EPHA5: variants seen among roughly 807,000 people sequenced by gnomAD.
EPHA5 encodes the protein EPH receptor A5.
In EPHA5, 60 loss-of-function variants were observed where a neutral mutation model predicts 105.0. That is an observed-to-expected ratio of 0.57 (90% CI 0.46 to 0.71). The LOEUF is 0.71. EPHA5 is among the 30% of genes least tolerant of loss of function. The pLI is 0.00. For missense variants in EPHA5, 1,218 were observed against 1,274.7 expected (o/e 0.96, Z 0.68); for synonymous variants, 513 against 449.1 (o/e 1.14, Z -1.80).
chr4:65,643,557 C>T (rs950374710), intron 1 of EPHA5, 130 bp from the exon 2 acceptor site: 46 of 620,260 alleles, frequency 7.4e-5, no homozygotes, highest in Non-Finnish European at 1.1e-4. Flanking sequence ...ATGATGAATA[C>T]AATGGGTATA....
At chr4:65,549,723 C>T (rs558701606) in intron 3 of EPHA5, among the ~76,000 whole-genome samples, 1 of 152,222 alleles carries the variant, frequency 6.6e-6, no homozygotes, top group South Asian at 2.1e-4. Context: ...AAGAGACTCA[C>T]AGAAGCTTAA....
Position 65,601,760 on chromosome 4 carries a change from T to A in EPHA5, c.791A>T (p.Asn264Ile), listed in dbSNP as rs1226488146. 3 of 1,614,010 alleles carry A rather than the reference T, an allele frequency of 1.9e-6. No homozygotes were observed. The African/African-American group carries it at 4.0e-5, about 22-fold the overall frequency. ...QLLEVSGSCV[N>I]HSVTDEPPKM... ...GGGAGGTTCATCGGTCACAGAATGG[T>A]TGACACAGGAGCCTGACACTTCGAG... Residue 264 changes from asparagine to isoleucine, a missense_variant, in exon 3 of 17, where the codon AAC (asparagine) becomes ATC (isoleucine). This residue lies in a region of EPHA5 where 971 missense variants were observed against 1,013.5 expected (regional missense o/e 0.96). Transcript: ENST00000613740.
intron 2 of EPHA5, among the ~76,000 whole-genome samples, chr4:65,624,518 A>C (rs1745968747): frequency 6.6e-6 from 1 of 152,174 alleles, no homozygotes; most frequent in African/African-American, 2.4e-5. Flanking sequence ...CTATTGTTAT[A>C]ACTCTCAAAA....
At chr4:65,577,556 C>T (rs1394507224) in intron 3 of EPHA5, among the ~76,000 whole-genome samples, 2 of 152,026 alleles carry the variant, frequency 1.3e-5, no homozygotes, top group African/African-American at 4.8e-5. Context: ...AGTCAGTTCA[C>T]TTACATAATT....
At chr4:65,613,435 AT>A (rs1352812409) in intron 2 of EPHA5, among the ~76,000 whole-genome samples, 2 of 151,990 alleles carry the variant, frequency 1.3e-5, no homozygotes, top group African/African-American at 4.8e-5. Context: ...TTTTATAGGA[AT>A]TGCATTGAAT....
chr4:65,535,171 T>C (rs1296309269), intron 3 of EPHA5, among the ~76,000 whole-genome samples: 2 of 152,208 alleles, frequency 1.3e-5, no homozygotes, highest in Admixed American at 6.5e-5. Context: ...ATCATTTGTC[T>C]TTATAATTCA....
intron 8 of EPHA5, among the ~76,000 whole-genome samples, chr4:65,383,624 C>T (rs928677247): frequency 3.3e-5 from 5 of 151,868 alleles, no homozygotes; most frequent in African/African-American, 1.2e-4. Context: ...ATTGAGCTCA[C>T]TCTAGAGCGC....
In EPHA5 at chr4:65,330,781, C is replaced by A; in HGVS notation, c.2945+1192G>T. 9 of 1,025,736 alleles carry A rather than the reference C, an allele frequency of 8.8e-6. No individual in the cohort carries two copies. In the South Asian group the frequency reaches 4.2e-4, roughly 47 times the overall value. The allele number at this position is 1,025,736 out of a possible 1,614,324, so 63.5% of individuals were successfully genotyped here. On this transcript the variant is annotated intron_variant, in intron 16 of 16. Transcript: ENST00000613740. ...TAGCACAAATGGGTTCCTTGAGTGT[C>A]CAAAGAAATAATGGACAAAGCATAT...
In EPHA5 at chr4:65,441,365, T is replaced by C. The variant is rs537608389; in HGVS notation, c.1403-20800A>G. Among the ~76,000 whole-genome samples the C allele has an allele frequency of 1.8e-3, 268 of 152,172 alleles. 1 individual carries two copies. Among genetic ancestry groups the C allele is most frequent in the African/African-American group, 6.0e-3 (251 of 41,552 alleles). On this transcript the variant is annotated intron_variant, in intron 5 of 16. Coordinates refer to ENST00000613740, the MANE Select transcript of EPHA5 (RefSeq NM_001281766.3). ...CTGAGGGTGTGAGAAAAACAGTATTTCCATAATTTATTTGAAAAAATGAAA... is the reference window on the plus strand; with the variant it reads ...CTGAGGGTGTGAGAAAAACAGTATTCCCATAATTTATTTGAAAAAATGAAA...
At chr4:65,585,595 T>C (rs1742042818) in intron 3 of EPHA5, among the ~76,000 whole-genome samples, 1 of 151,602 alleles carries the variant, frequency 6.6e-6, no homozygotes, top group Non-Finnish European at 1.5e-5. Context: ...TCTTTTTGTT[T>C]CCAAGAACAA....
At chr4:65,462,318 C>T (rs1029747425) in intron 5 of EPHA5, among the ~76,000 whole-genome samples, 3 of 152,120 alleles carry the variant, frequency 2.0e-5, no homozygotes, top group African/African-American at 7.2e-5. Context: ...TTATTTTATT[C>T]TCCAAGTATT....
intron 3 of EPHA5, among the ~76,000 whole-genome samples, chr4:65,564,683 C>T (rs773303533): frequency 9.9e-5 from 15 of 151,536 alleles, no homozygotes; most frequent in Non-Finnish European, 2.1e-4. Context: ...TTATACATTT[C>T]GTGAACTTCC....
At chr4:65,563,139 A>G (rs1560701307) in intron 3 of EPHA5, among the ~76,000 whole-genome samples, 1 of 151,708 alleles carries the variant, frequency 6.6e-6, no homozygotes, top group Admixed American at 6.6e-5. Flanking sequence ...CACTGTTCCT[A>G]TTGTTTTAGC....
intron 2 of EPHA5, among the ~76,000 whole-genome samples, chr4:65,609,890 A>G (rs1269401286): frequency 3.9e-5 from 6 of 152,150 alleles, no homozygotes; most frequent in African/African-American, 1.4e-4. Context: ...AAGCATATAT[A>G]TAGACTGATT....
intron 3 of EPHA5, among the ~76,000 whole-genome samples, chr4:65,533,256 T>G (rs146868168): frequency 6.6e-6 from 1 of 152,304 alleles, no homozygotes; most frequent in African/African-American, 2.4e-5. Flanking sequence ...ATTTAATTAT[T>G]ATACATATTG....
intron 5 of EPHA5, among the ~76,000 whole-genome samples, chr4:65,467,795 C>A (rs1270234907): frequency 6.6e-6 from 1 of 151,986 alleles, no homozygotes; most frequent in Non-Finnish European, 1.5e-5. Flanking sequence ...AGGAAAATTA[C>A]CCTGAATTAT....
intron 3 of EPHA5, among the ~76,000 whole-genome samples, chr4:65,497,764 C>T (rs918422203): frequency 1.3e-5 from 2 of 151,860 alleles, no homozygotes; most frequent in Non-Finnish European, 2.9e-5. Context: ...GTTCAAACCC[C>T]AAAGGGAGCT....
intron 3 of EPHA5, chr4:65,573,511 C>T: frequency 6.3e-7 from 1 of 1,593,568 alleles, no homozygotes; most frequent in Admixed American, 1.7e-5. Context: ...AAACCCGAAG[C>T]CAAGAAGACT....
chr4:65,612,979 T>C (rs1744911679), intron 2 of EPHA5, among the ~76,000 whole-genome samples: 1 of 152,082 alleles, frequency 6.6e-6, no homozygotes, highest in African/African-American at 2.4e-5. Flanking sequence ...GAGCTTTCCA[T>C]GGTTTTGCTT....
Sources: gnomAD v4.1 joint callset for allele counts (sites outside exome capture counted in the v4.1 genomes callset) on GRCh38, gnomAD v4.1.1 for gene constraint, gnomAD v4.1.1 regional missense constraint, MANE v1.5 for transcripts, NCBI Gene and HGNC (gene_info 2026-07-23, HGNC 2026-07-21) for gene names.